The following CALCOCO2 variants were observed in gnomAD, a reference collection of about 807,000 sequenced individuals.
The protein encoded by CALCOCO2 is calcium-binding and coiled-coil domain-containing protein 2.
In CALCOCO2, 42 loss-of-function variants were observed where a neutral mutation model predicts 62.5. The ratio of observed to expected loss-of-function variants is 0.67; its 90% CI spans 0.53 to 0.87. The LOEUF is 0.87. CALCOCO2 is among the 40% of genes least tolerant of loss of function. CALCOCO2 has a pLI of 0.00. For missense variants in CALCOCO2, 456 were observed against 515.0 expected (o/e 0.89, Z 1.11); for synonymous variants, 167 against 173.0 (o/e 0.97, Z 0.27).
intron 6 of CALCOCO2, 93 bp from the exon 7 acceptor site, chr17:48,851,466 G>A (rs1206773487): frequency 1.3e-6 from 1 of 795,320 alleles, no homozygotes; most frequent in Non-Finnish European, 2.2e-6. Flanking sequence ...AATTCTGCAG[G>A]CTTAGGGCCA....
chr17:48,858,054 T>TAG lies in CALCOCO2; in HGVS notation c.1008+1869_1008+1870dup, dbSNP rs1369750480. Among the ~76,000 whole-genome samples, 520 of 139,742 alleles carry TAG rather than the reference T, an allele frequency of 3.7e-3. 101 individuals are homozygous for TAG. The highest frequency in any genetic ancestry group is 0.014 in the Middle Eastern group (4 of 288). 91.7% of individuals were successfully genotyped at this position (139,742 alleles called of 152,430 possible). A position where few individuals can be genotyped will look rare whatever the true frequency, so the allele number is the denominator to read the frequency against. On this transcript the variant is annotated intron_variant, in intron 10 of 12. Coordinates refer to ENST00000258947, the MANE Select transcript of CALCOCO2 (RefSeq NM_005831.5). ...GAATAGAATAGAATAGAAAATAGAATAGAATAGAATAGAATAGAATTTTAC... is the reference window on the plus strand; with the variant it reads ...GAATAGAATAGAATAGAAAATAGAATAGAGAATAGAATAGAATAGAATTTTAC...
intron 2 of CALCOCO2, chr17:48,846,506 A>T: frequency 6.8e-7 from 1 of 1,460,802 alleles, no homozygotes; most frequent in Non-Finnish European, 9.3e-7. Context: ...CCAAGGACAG[A>T]AATTGCAGGT....
intron 1 of CALCOCO2, 21 bp downstream of exon 1, chr17:48,831,099 G>C (rs2039804717): frequency 6.6e-6 from 1 of 152,622 alleles, no homozygotes; most frequent in Non-Finnish European, 1.5e-5. Context: ...CAAGTGGAAA[G>C]GGGCAGTTAG....
At position 48,856,190 on chromosome 17, in the gene CALCOCO2, A is replaced by T. The variant is rs1200145599; in HGVS notation, c.1008+3A>T. ...AGAGATTGGAAGGAGAAAATGATGT[A>T]AGTGTGTGAAAGAGGGTATAAAACC... On this transcript the variant is annotated splice_donor_region_variant and intron_variant, in intron 10 of 12. Transcript: ENST00000258947. 6.6e-7 allele frequency: 1 copy of T among 1,513,042 alleles called. No homozygotes were observed. 93.7% of individuals were successfully genotyped at this position (1,513,042 alleles called of 1,614,324 possible).
chr17:48,832,881 A>G (rs1196266600), intron 1 of CALCOCO2, among the ~76,000 whole-genome samples: 1 of 152,192 alleles, frequency 6.6e-6, no homozygotes, highest in Non-Finnish European at 1.5e-5. Context: ...TGGCGCCAGC[A>G]CTATGGTGGT....
chr17:48,857,828 A>G (rs960787968), intron 10 of CALCOCO2, among the ~76,000 whole-genome samples: 1 of 148,642 alleles, frequency 6.7e-6, no homozygotes, highest in African/African-American at 2.5e-5. Context: ...CAAAAAAAAA[A>G]TTAGCGAGCT....
rs920035622 is a variant in CALCOCO2 at position 48,863,075 on chromosome 17, A to G, written c.*70A>G. 1 of 1,145,636 alleles carries G rather than the reference A, an allele frequency of 8.7e-7. No homozygotes were observed. Among genetic ancestry groups the G allele is most frequent in the Non-Finnish European group, 1.3e-6 (1 of 754,866 alleles). 71.0% of individuals were successfully genotyped at this position (1,145,636 alleles called of 1,614,324 possible). ...ACCTATAGCTTCTACCATGAGTTAT[A>G]TGAGTCAAGATCCTGCCTAACCTGA... On this transcript the variant is annotated 3_prime_UTR_variant, in exon 13 of 13. Coordinates refer to ENST00000258947, the MANE Select transcript of CALCOCO2 (RefSeq NM_005831.5).
chr17:48,842,130 CT>C (rs377188984), intron 2 of CALCOCO2: 2,279 of 222,668 alleles, frequency 0.01, no homozygotes, highest in East Asian at 0.02. Flanking sequence ...TTTTGTTATG[CT>C]TTTTTTTTTG....
At position 48,858,054 on chromosome 17, in the gene CALCOCO2, T is replaced by TAGAATAGAATAG. The variant is rs1567759569; in HGVS notation, c.1008+1869_1008+1880dup. 3.9e-4 allele frequency among the ~76,000 whole-genome samples: 55 copies of TAGAATAGAATAG among 139,752 alleles called. 10 individuals carry two copies. The highest frequency in any genetic ancestry group is 7.2e-4 in the Non-Finnish European group (46 of 63,540). 91.7% of individuals were successfully genotyped at this position (139,752 alleles called of 152,430 possible). On this transcript the variant is annotated intron_variant, in intron 10 of 12. Coordinates refer to ENST00000258947, the MANE Select transcript of CALCOCO2 (RefSeq NM_005831.5). ...GAATAGAATAGAATAGAAAATAGAA[T>TAGAATAGAATAG]AGAATAGAATAGAATAGAATTTTAC...
rs1331794112 is a variant in CALCOCO2 at position 48,858,141 on chromosome 17, C to G, written c.1008+1954C>G. On this transcript the variant is annotated intron_variant, in intron 10 of 12. Transcript: ENST00000258947. ...TTAAGTGCATCACAGTGCTATGCAA[C>G]AGATCTCCAGAACTTTTCCATCTTG... is the stretch of plus-strand genomic sequence containing the variant. 2.0e-5 allele frequency among the ~76,000 whole-genome samples: 3 copies of G among 151,264 alleles called. 1 individual carries two copies. The highest frequency in any genetic ancestry group is 4.4e-5 in the Non-Finnish European group (3 of 67,824).
At chr17:48,838,230 A>G (rs940434967) in intron 1 of CALCOCO2, among the ~76,000 whole-genome samples, 1 of 152,130 alleles carries the variant, frequency 6.6e-6, no homozygotes, top group African/African-American at 2.4e-5. Context: ...GATCGTCACA[A>G]AACAGGATAG....
rs537841605 is a variant in CALCOCO2 at position 48,852,856 on chromosome 17, G to C, written c.826-70G>C. 1.1e-5 allele frequency: 13 copies of C among 1,204,010 alleles called. No homozygotes were observed. The African/African-American group carries it at 1.3e-4, about 12-fold the overall frequency. 74.6% of individuals were successfully genotyped at this position (1,204,010 alleles called of 1,614,324 possible). ...TCCTGCTTGCTCATTAGCTTAGCAGGCCCTTCCATGGTGTGTGTGTGCATG... is the reference window on the plus strand; with the variant it reads ...TCCTGCTTGCTCATTAGCTTAGCAGCCCCTTCCATGGTGTGTGTGTGCATG... On this transcript the variant is annotated intron_variant, in intron 8 of 12. Transcript: ENST00000258947.
At position 48,848,407 on chromosome 17, in the gene CALCOCO2, C is replaced by A; in HGVS notation, c.369C>A (p.Phe123Leu). The A allele has an allele frequency of 6.2e-7, 1 of 1,613,882 alleles. No homozygotes were observed. Residue 123 changes from phenylalanine (F) to leucine (L), a missense_variant, in exon 4 of 13, where the codon TTC becomes TTA. By Grantham distance (22) the Phe-to-Leu change is conservative (BLOSUM62 0). Coordinates refer to ENST00000258947, the MANE Select transcript of CALCOCO2 (RefSeq NM_005831.5). ...TGGTCCGGGGAGCAAGTATTCCTTT[C>A]CAATTCCGTCCAGAAAATGAGGAAG... The part of the protein sequence containing the change: ...DGVVRGASIP[F>L]QFRPENEEDI...
chr17:48,852,982 T>C lies in CALCOCO2; in HGVS notation c.882T>C (p.Thr294=). 1 of 1,613,234 alleles carries C rather than the reference T, an allele frequency of 6.2e-7. No individual in the cohort carries two copies. The highest frequency in any genetic ancestry group is 8.5e-7 in the Non-Finnish European group (1 of 1,179,226). The change falls in exon 9 of 13, where the codon ACT becomes ACC. Residue 294 remains threonine (T), a synonymous_variant. Transcript: ENST00000258947. ...QTVEQMKQNE[T]TAMKKQQELM... is the part of the protein sequence containing the mutation. ...TGGAGCAAATGAAGCAGAATGAAAC[T>C]ACTGCAATGAAGAAACAACAGGAAT... is the stretch of plus-strand genomic sequence containing the variant.
chr17:48,846,179 C>A, intron 2 of CALCOCO2: 1 of 706,026 alleles, frequency 1.4e-6, no homozygotes, highest in Non-Finnish European at 2.2e-6. Context: ...CTCTGTCACC[C>A]AGGCTGGAGT....
At chr17:48,835,284 G>T (rs2039875330) in intron 1 of CALCOCO2, among the ~76,000 whole-genome samples, 1 of 152,156 alleles carries the variant, frequency 6.6e-6, no homozygotes, top group Non-Finnish European at 1.5e-5. Context: ...GGTTGGCATG[G>T]TTATGTTCTA....
chr17:48,837,800 GA>G, intron 1 of CALCOCO2, among the ~76,000 whole-genome samples: 1 of 152,138 alleles, frequency 6.6e-6, no homozygotes, highest in East Asian at 1.9e-4. Context: ...CCTTCTTTAT[GA>G]AAAAACTGAC....
chr17:48,856,269 A>C (rs2040214023), intron 10 of CALCOCO2, 82 bp downstream of exon 10: 2 of 742,102 alleles, frequency 2.7e-6, no homozygotes, highest in African/African-American at 3.5e-5. Context: ...TGAAAAAAAT[A>C]AAAAGTTAAG....
chr17:48,856,144 A>C lies in CALCOCO2; in HGVS notation c.965A>C (p.Asn322Thr). The C allele has an allele frequency of 6.2e-7, 1 of 1,605,764 alleles. No individual in the cohort carries two copies. The highest frequency in any genetic ancestry group is 1.1e-5 in the South Asian group (1 of 90,678). Residue 322 changes from asparagine to threonine, a missense_variant, in exon 10 of 13, where the codon AAT (asparagine) becomes ACT (threonine). Around this residue, in one of 3 missense-constraint regions of CALCOCO2, gnomAD observed 172 missense variants for 210.3 expected, o/e 0.82. Transcript: ENST00000258947. ...CTGAGTGAGAACGAAATTATATGTA[A>C]TGCTCTGCAGAGACAGAAAGAGAGA... Reference protein sequence around the residue: ...KRLSENEIICNALQRQKERLE... With the variant: ...KRLSENEIICTALQRQKERLE...
Sources: allele counts gnomAD v4.1 joint callset (sites outside exome capture counted in the v4.1 genomes callset), GRCh38; gene constraint gnomAD v4.1.1; regional missense constraint gnomAD v4.1.1; transcripts MANE v1.5; gene names NCBI Gene and HGNC (gene_info 2026-07-23, HGNC 2026-07-21).